The following FNDC1 variants were observed in gnomAD, a reference collection of about 807,000 sequenced individuals.
FNDC1 encodes fibronectin type III domain containing 1.
FNDC1 carries 96 observed loss-of-function variants against 168.0 expected under a neutral mutation model. The ratio of observed to expected loss-of-function variants is 0.57; its 90% CI spans 0.48 to 0.68. FNDC1 has a LOEUF of 0.68. FNDC1 is among the 30% of genes least tolerant of loss of function. The pLI, the probability that FNDC1 is intolerant of heterozygous loss-of-function variation, is 0.00. For synonymous variants in FNDC1, 1,099 were observed against 1,025.9 expected (o/e 1.07, Z -1.36); for missense variants, 2,587 against 2,482.1 (o/e 1.04, Z -0.90).
chr6:159,200,706 C>T (rs747292055), intron 4 of FNDC1, 125 bp downstream of exon 4: 1 of 684,554 alleles, frequency 1.5e-6, no homozygotes. Context: ...TAAACTAACA[C>T]ACACGCCACA....
chr6:159,202,572 C>G (rs1421523031), intron 4 of FNDC1, among the ~76,000 whole-genome samples: 1 of 152,198 alleles, frequency 6.6e-6, no homozygotes, highest in Non-Finnish European at 1.5e-5. Flanking sequence ...GATAGGGTCT[C>G]ACATCCTTCC....
chr6:159,269,486 CTATCT>C lies in FNDC1; in HGVS notation c.5569+1561_5569+1565del, dbSNP rs1562316020. On this transcript the variant is annotated intron_variant, in intron 22 of 22. Transcript: ENST00000297267. ...TCTATCTATCTATCTATCTATCTAT[CTATCT>C]ATCTATCTATCCATCCATCCATGCA... Among the ~76,000 whole-genome samples the C allele has an allele frequency of 2.5e-3, 350 of 142,552 alleles. 1 individual carries two copies. Among genetic ancestry groups the C allele is most frequent in the African/African-American group, 8.4e-3 (309 of 36,790 alleles). The allele number at this position is 142,552 out of a possible 152,430, so 93.5% of individuals were successfully genotyped here.
Position 159,266,154 on chromosome 6 carries a change from A to G in FNDC1, c.5355A>G (p.Gln1785=), listed in dbSNP as rs1777588957. 6.8e-6 allele frequency: 11 copies of G among 1,613,882 alleles called. No homozygotes were observed. Among genetic ancestry groups the G allele is most frequent in the Non-Finnish European group, 9.3e-6 (11 of 1,179,882 alleles). The change falls in exon 21 of 23, where the codon CAA becomes CAG. Residue 1785 remains glutamine (Q), a synonymous_variant. Transcript: ENST00000297267. ...GCTACACGGACTGCCATGGACGGCAATATGTGAAGCGCACGTGGTATCGAA... is the reference window on the plus strand; with the variant it reads ...GCTACACGGACTGCCATGGACGGCAGTATGTGAAGCGCACGTGGTATCGAA... ...DPSYTDCHGR[Q]YVKRTWYRKF...
chr6:159,190,758 T>C (rs1782119435), intron 1 of FNDC1, among the ~76,000 whole-genome samples: 1 of 152,262 alleles, frequency 6.6e-6, no homozygotes, highest in African/African-American at 2.4e-5. Context: ...TTGTGCCCCA[T>C]GCTTCAAGTT....
intron 1 of FNDC1, among the ~76,000 whole-genome samples, chr6:159,192,066 T>A (rs1456387939): frequency 6.6e-6 from 1 of 152,122 alleles, no homozygotes; most frequent in African/African-American, 2.4e-5. Flanking sequence ...TATATAGAAA[T>A]GAGGTTTCAC....
chr6:159,234,102 C>T lies in FNDC1; in HGVS notation c.3590C>T (p.Ser1197Phe), dbSNP rs1583896279. 2 of 1,610,028 alleles carry T rather than the reference C, an allele frequency of 1.2e-6. No individual in the cohort carries two copies. The change falls in exon 11 of 23, where the codon TCT becomes TTT. Residue 1197 changes from serine to phenylalanine, a missense_variant. Transcript: ENST00000297267. ...AAAGGCGGGAAAGAAGACCTTCTGT[C>T]TTCCTCTGTGCCAAAGTGGCCCTCT... is the stretch of plus-strand genomic sequence containing the variant. Reference protein sequence around the residue: ...FFKGGKEDLLSSSVPKWPSSS... With the variant: ...FFKGGKEDLLFSSVPKWPSSS...
rs1219195662 is a variant in FNDC1, at chr6:159,239,674, C to T, written c.4338C>T (p.Pro1446=). Residue 1446 remains proline, a synonymous_variant, in exon 14 of 23, where the codon CCC becomes CCT. Transcript: ENST00000297267. ...AGGTCATCAAAAAAACCACCCATCC[C>T]CCTACCACTACCATGCAGCCCACCA... ...GLEVIKKTTH[P]PTTTMQPTTT... is the part of the protein sequence containing the mutation. The T allele has an allele frequency of 6.4e-7, 1 of 1,551,674 alleles. No individual in the cohort carries two copies. Among genetic ancestry groups the T allele is most frequent in the African/African-American group, 1.4e-5 (1 of 73,134 alleles).
At chr6:159,235,577 G>A (rs956059541) in intron 11 of FNDC1, among the ~76,000 whole-genome samples, 1 of 152,160 alleles carries the variant, frequency 6.6e-6, no homozygotes, top group African/African-American at 2.4e-5. Flanking sequence ...GCACTTTGCC[G>A]AGCGGTCAAT....
chr6:159,235,317 ATT>A (rs11307391), intron 11 of FNDC1, among the ~76,000 whole-genome samples: 73 of 149,348 alleles, frequency 4.9e-4, no homozygotes, highest in Admixed American at 1.6e-3. Flanking sequence ...GAATGAATGT[ATT>A]TTTTTTTTTT....
intron 1 of FNDC1, among the ~76,000 whole-genome samples, chr6:159,174,757 C>T (rs1781730268): frequency 6.6e-6 from 1 of 152,216 alleles, no homozygotes; most frequent in Non-Finnish European, 1.5e-5. Context: ...CAGAAGCCCG[C>T]TGGCTGTTGG....
chr6:159,170,575 T>C (rs1781632367), intron 1 of FNDC1, among the ~76,000 whole-genome samples: 1 of 152,240 alleles, frequency 6.6e-6, no homozygotes, highest in Non-Finnish European at 1.5e-5. Context: ...TTTTAGGTTA[T>C]TGGTTTGTAG....
intron 22 of FNDC1, among the ~76,000 whole-genome samples, chr6:159,269,007 C>CATCT (rs1777653513): frequency 6.6e-6 from 1 of 150,910 alleles, no homozygotes; most frequent in Non-Finnish European, 1.5e-5. Flanking sequence ...TCCATCCATC[C>CATCT]ATCCATCCAT....
At chr6:159,225,356 T>G (rs1192610381) in intron 7 of FNDC1, among the ~76,000 whole-genome samples, 179 bp from the exon 8 acceptor site, 1 of 152,172 alleles carries the variant, frequency 6.6e-6, no homozygotes, top group Non-Finnish European at 1.5e-5. Context: ...TCTCCCACTT[T>G]AGACAACTTT....
chr6:159,234,449 C>T lies in FNDC1; in HGVS notation c.3937C>T (p.Arg1313Ter), dbSNP rs1237948518. Reference protein sequence around the residue: ...MHARFRNPLSRQPARPSYRQG... With the variant: ...MHARFRNPLS ...TGCCAGATTCCGTAACCCTCTCTCC[C>T]GACAGCCTGCCAGACCCTCTTACAG... Residue 1313 changes from arginine (R) to a stop codon, truncating the protein, a stop_gained, in exon 11 of 23, where the codon CGA becomes TGA. Coordinates refer to ENST00000297267, the MANE Select transcript of FNDC1 (RefSeq NM_032532.3). LOFTEE classifies it high-confidence loss of function. 5.0e-6 allele frequency: 8 copies of T among 1,613,410 alleles called. No homozygotes were observed. In the East Asian group the frequency reaches 6.7e-5, roughly 13 times the overall value.
intron 17 of FNDC1, among the ~76,000 whole-genome samples, chr6:159,255,314 A>G (rs1266603683): frequency 2.6e-5 from 4 of 152,100 alleles, no homozygotes; most frequent in Non-Finnish European, 5.9e-5. Flanking sequence ...ACTACCTGGA[A>G]TCCATCCCAC....
rs1183201079 is a variant in FNDC1, at chr6:159,232,593, C to T, written c.2081C>T (p.Ala694Val). Residue 694 changes from alanine to valine, a missense_variant, in exon 11 of 23, where the codon GCC becomes GTC. Physicochemically the swap from Ala to Val is moderately conservative, Grantham distance 64. Transcript: ENST00000297267. This position sits in a 1 kb window ranked among gnomAD's most constrained non-coding sequence, Gnocchi z 4.9. Reference protein sequence around the residue: ...RSSVHPGAKPASPARRTPHSG... With the variant: ...RSSVHPGAKPVSPARRTPHSG... ...TCTGTGCACCCCGGCGCAAAGCCAG[C>T]CTCGCCGGCCCGGAGGACCCCCCAT... 1 of 1,607,790 alleles carries T rather than the reference C, an allele frequency of 6.2e-7. No homozygotes were observed. The highest frequency in any genetic ancestry group is 8.5e-7 in the Non-Finnish European group (1 of 1,176,248).
At chr6:159,256,751 G>T (rs1380375671) in intron 18 of FNDC1, 120 bp downstream of exon 18, 7 of 735,918 alleles carry the variant, frequency 9.5e-6, no homozygotes, top group Admixed American at 9.3e-5. Flanking sequence ...TACCCTGTTT[G>T]GTTCTAATAG....
intron 8 of FNDC1, 125 bp downstream of exon 8, chr6:159,225,847 T>G (rs1227227486): frequency 2.4e-6 from 2 of 839,784 alleles, no homozygotes; most frequent in African/African-American, 1.7e-5. Context: ...GTCATGTTAA[T>G]CCTAAATTTT....
chr6:159,204,213 T>C (rs1023389084), intron 4 of FNDC1, among the ~76,000 whole-genome samples: 10 of 152,180 alleles, frequency 6.6e-5, no homozygotes, highest in African/African-American at 2.2e-4. Flanking sequence ...CATTTCCTTA[T>C]CTTGGTCACC....
Sources: gnomAD v4.1 joint callset for allele counts (sites outside exome capture counted in the v4.1 genomes callset) on GRCh38, gnomAD v4.1.1 for gene constraint, Gnocchi (gnomAD v3.1) non-coding constraint, MANE v1.5 for transcripts, NCBI Gene and HGNC (gene_info 2026-07-23, HGNC 2026-07-21) for gene names.